Variants in MAML2 observed in about 807,000 individuals in gnomAD.
MAML2 encodes mastermind like transcriptional coactivator 2, also known as mastermind-like protein 2.
Under a neutral mutation model 96.1 loss-of-function variants are expected in MAML2, and 22 were observed. The ratio of observed to expected loss-of-function variants is 0.23; its 90% CI spans 0.16 to 0.33. MAML2 has a LOEUF of 0.33. Ranked by LOEUF, MAML2 falls within the 10% of genes least tolerant of loss-of-function variation. The pLI is 1.00. For synonymous variants in MAML2, 561 were observed against 521.3 expected (o/e 1.08, Z -1.04); for missense variants, 1,367 against 1,392.4 (o/e 0.98, Z 0.29).
chr11:96,332,143 A>T (rs930407689), intron 1 of MAML2, among the ~76,000 whole-genome samples: 1 of 152,220 alleles, frequency 6.6e-6, no homozygotes, highest in African/African-American at 2.4e-5. Flanking sequence ...ATGCTAAAGT[A>T]GCATGGGTCC....
intron 1 of MAML2, among the ~76,000 whole-genome samples, chr11:96,109,328 C>T (rs533168918): frequency 2.0e-5 from 3 of 152,122 alleles, no homozygotes; most frequent in South Asian, 2.1e-4. Flanking sequence ...TTATGAAGAT[C>T]GTGGGTAGGC....
chr11:96,176,246 A>T (rs1360563964), intron 1 of MAML2, among the ~76,000 whole-genome samples: 1 of 152,216 alleles, frequency 6.6e-6, no homozygotes, highest in Non-Finnish European at 1.5e-5. Context: ...AGTTGTCTCC[A>T]TATAAAAACT....
intron 2 of MAML2, among the ~76,000 whole-genome samples, chr11:96,049,598 G>A (rs933107782): frequency 1.6e-4 from 24 of 152,138 alleles, no homozygotes; most frequent in Admixed American, 1.5e-3. Flanking sequence ...CTGAGCGACC[G>A]TGGGCAAGTG....
intron 1 of MAML2, among the ~76,000 whole-genome samples, chr11:96,167,614 A>G (rs1247834681): frequency 6.6e-6 from 1 of 152,158 alleles, no homozygotes; most frequent in Non-Finnish European, 1.5e-5. Flanking sequence ...GCCAAAACAA[A>G]TTATTTGTAG....
intron 1 of MAML2, among the ~76,000 whole-genome samples, chr11:96,154,972 C>T (rs1031072888): frequency 6.6e-5 from 10 of 152,168 alleles, no homozygotes; most frequent in Admixed American, 2.0e-4. Flanking sequence ...CTGTGCCAGA[C>T]GTGTGCTGGG....
intron 1 of MAML2, among the ~76,000 whole-genome samples, chr11:96,101,720 G>A (rs1859934000): frequency 6.6e-6 from 1 of 152,134 alleles, no homozygotes. Flanking sequence ...TCAGAGAGAT[G>A]AACTTGAACC....
intron 4 of MAML2, among the ~76,000 whole-genome samples, chr11:95,980,578 G>A (rs1857722338): frequency 6.6e-6 from 1 of 152,154 alleles, no homozygotes; most frequent in South Asian, 2.1e-4. Context: ...AGTTCCAGGA[G>A]GTGTAGTTAC....
At chr11:96,287,458 T>C (rs1043361649) in intron 1 of MAML2, among the ~76,000 whole-genome samples, 7 of 152,220 alleles carry the variant, frequency 4.6e-5, no homozygotes, top group African/African-American at 1.7e-4. Context: ...TTTGATGCCT[T>C]ACTAATGGCC....
At chr11:96,171,872 C>A (rs1455639906) in intron 1 of MAML2, among the ~76,000 whole-genome samples, 1 of 152,246 alleles carries the variant, frequency 6.6e-6, no homozygotes, top group African/African-American at 2.4e-5. Flanking sequence ...CCATTCTCAG[C>A]AGTGTCCCTC....
intron 1 of MAML2, among the ~76,000 whole-genome samples, chr11:96,164,614 T>C (rs749251425): frequency 4.6e-5 from 7 of 152,198 alleles, no homozygotes; most frequent in Non-Finnish European, 7.3e-5. Context: ...AACTCACCTA[T>C]TCCATAGCAG....
chr11:96,182,928 A>C (rs1002698885), intron 1 of MAML2, among the ~76,000 whole-genome samples: 1 of 150,830 alleles, frequency 6.6e-6, no homozygotes, highest in South Asian at 2.1e-4. Context: ...AACTTTTGGA[A>C]GCTCTTCTTC....
At chr11:95,993,333 C>T (rs554895056) in intron 2 of MAML2, among the ~76,000 whole-genome samples, 12 of 152,056 alleles carry the variant, frequency 7.9e-5, no homozygotes, top group East Asian at 3.9e-4. Flanking sequence ...TTTGGGAGGC[C>T]GAGGCAGGTG....
intron 1 of MAML2, among the ~76,000 whole-genome samples, chr11:96,312,034 A>C (rs1272812372): frequency 6.6e-6 from 1 of 152,032 alleles, no homozygotes; most frequent in African/African-American, 2.4e-5. Context: ...AGCCTGGCCA[A>C]CATGGTGAAA....
At chr11:96,249,445 G>A (rs928812970) in intron 1 of MAML2, among the ~76,000 whole-genome samples, 2 of 151,932 alleles carry the variant, frequency 1.3e-5, no homozygotes, top group Admixed American at 1.3e-4. Flanking sequence ...TGGCCTCTCC[G>A]CTTGGATGTC....
At chr11:95,989,754 CTTA>C in intron 3 of MAML2, among the ~76,000 whole-genome samples, 1 of 152,170 alleles carries the variant, frequency 6.6e-6, no homozygotes. Context: ...TCCCTTAAAC[CTTA>C]TGGCAGTATT....
At chr11:96,215,182 A>C (rs1862030277) in intron 1 of MAML2, among the ~76,000 whole-genome samples, 1 of 152,236 alleles carries the variant, frequency 6.6e-6, no homozygotes, top group Non-Finnish European at 1.5e-5. Flanking sequence ...TACAAAGTTG[A>C]AAAGAGGGTG....
Position 95,979,591 on chromosome 11 carries a change from C to T in MAML2, c.2828G>A (p.Ser943Asn). 6.2e-7 allele frequency: 1 copy of T among 1,613,886 alleles called. No individual in the cohort carries two copies. ...TCTCTGTGGTGGCATGCTTGCCATA[C>T]TATGGGTTAAATTTGGTCTCAATTG... ...SQQLRPNLTHSMASMPPQRTS... is the reference protein window; with the variant it reads ...SQQLRPNLTHNMASMPPQRTS... The change falls in exon 5 of 5, where the codon AGT becomes AAT. Residue 943 changes from serine (S) to asparagine (N), a missense_variant. By Grantham distance (46) the Ser-to-Asn change is conservative. Transcript: ENST00000524717.
chr11:96,118,212 GTC>G (rs1435013431), intron 1 of MAML2, among the ~76,000 whole-genome samples: 4 of 152,180 alleles, frequency 2.6e-5, no homozygotes, highest in African/African-American at 9.6e-5. Flanking sequence ...CGAAAAGACT[GTC>G]TTTTTCATCT....
At chr11:96,256,090 T>A (rs1281655074) in intron 1 of MAML2, among the ~76,000 whole-genome samples, 1 of 151,974 alleles carries the variant, frequency 6.6e-6, no homozygotes, top group Non-Finnish European at 1.5e-5. Context: ...GCCAGGCTGG[T>A]CTCGAACTCC....
Sources: allele counts gnomAD v4.1 joint callset (sites outside exome capture counted in the v4.1 genomes callset), GRCh38; gene constraint gnomAD v4.1.1; transcripts MANE v1.5; gene names NCBI Gene and HGNC (gene_info 2026-07-23, HGNC 2026-07-21).